TNFSF4: variants seen among roughly 807,000 people sequenced by gnomAD.
TNFSF4 encodes the protein tumor necrosis factor ligand superfamily member 4.
TNFSF4 carries 4 observed loss-of-function variants against 7.3 expected under a neutral mutation model. The ratio of observed to expected loss-of-function variants is 0.55; its 90% CI spans 0.27 to 1.25. The LOEUF (loss-of-function observed/expected upper bound fraction) is 1.25, where lower values mean the gene tolerates loss of function less well. Among genes scored for constraint, TNFSF4 ranks in the 50% most tolerant of loss-of-function variants. The probability of loss-of-function intolerance (pLI) is 0.12; values close to 1 mark genes in which losing one functional copy is unlikely to be tolerated. For synonymous variants in TNFSF4, 76 were observed against 83.7 expected, an observed-to-expected ratio of 0.91 and a Z score of 0.50; for missense variants, 181 against 208.8, an observed-to-expected ratio of 0.87 and a Z score of 0.82.
the TNFSF4 span, among the ~76,000 whole-genome samples, chr1:173,247,101 G>C: frequency 6.6e-6 from 1 of 152,042 alleles, no homozygotes; most frequent in African/African-American, 2.4e-5. Context: ...GTTTATATTG[G>C]CAATAAAGCA....
chr1:173,240,529 T>C, the TNFSF4 span, among the ~76,000 whole-genome samples: 2 of 152,210 alleles, frequency 1.3e-5, no homozygotes, highest in Admixed American at 6.5e-5. Context: ...AAACTTAAAT[T>C]ATTATTTTTA....
chr1:173,219,008 T>G, the TNFSF4 span, among the ~76,000 whole-genome samples: 1 of 152,212 alleles, frequency 6.6e-6, no homozygotes, highest in African/African-American at 2.4e-5. Context: ...CCAATTGTAT[T>G]ATATTCAAAT....
At chr1:173,212,172 ACTC>A (rs915368793), upstream of TNFSF4, among the ~76,000 whole-genome samples, 25 of 152,060 alleles carry the variant, frequency 1.6e-4, no homozygotes, top group Non-Finnish European at 3.7e-4. Context: ...TACAGTGAGA[ACTC>A]ACTCACCCCA....
At chr1:173,267,549 C>G in the TNFSF4 span, among the ~76,000 whole-genome samples, 1 of 152,056 alleles carries the variant, frequency 6.6e-6, no homozygotes, top group African/African-American at 2.4e-5. Context: ...TCATCTTACC[C>G]TGCATAATAA....
chr1:173,174,242 C>T, the TNFSF4 span: 1 of 152,206 alleles, frequency 6.6e-6, no homozygotes, highest in East Asian at 1.9e-4. Flanking sequence ...TTTTCCATAT[C>T]ACTATCCGCA....
At chr1:173,305,439 AC>A in the TNFSF4 span, among the ~76,000 whole-genome samples, 2 of 151,782 alleles carry the variant, frequency 1.3e-5, no homozygotes, top group Non-Finnish European at 2.9e-5. Flanking sequence ...CCCCAGATAA[AC>A]TTTTCCGTTC....
At chr1:173,222,938 A>T in the TNFSF4 span, among the ~76,000 whole-genome samples, 1 of 152,212 alleles carries the variant, frequency 6.6e-6, no homozygotes, top group South Asian at 2.1e-4. Flanking sequence ...CCCATCCTTG[A>T]CAAGGCTTTC....
At chr1:173,273,386 A>G in the TNFSF4 span, among the ~76,000 whole-genome samples, 9 of 152,236 alleles carry the variant, frequency 5.9e-5, no homozygotes, top group African/African-American at 1.2e-4. Flanking sequence ...TCTTGTTCAG[A>G]TATTTTATCA....
the TNFSF4 span, among the ~76,000 whole-genome samples, chr1:173,353,215 G>A: frequency 6.6e-6 from 1 of 152,184 alleles, no homozygotes; most frequent in Admixed American, 6.5e-5. Flanking sequence ...AGTAAAGACA[G>A]GCATAGGAAA....
At chr1:173,384,801 CAACT>C in the TNFSF4 span, among the ~76,000 whole-genome samples, 8 of 152,302 alleles carry the variant, frequency 5.3e-5, no homozygotes, top group Non-Finnish European at 4.4e-5. Context: ...AACAATCAAT[CAACT>C]GAGACCCATT....
chr1:173,394,216 T>TAA, the TNFSF4 span, among the ~76,000 whole-genome samples: 3,307 of 112,468 alleles, frequency 0.029, 139 homozygotes, highest in African/African-American at 0.098. Context: ...ACTCCATCTT[T>TAA]AAAAAAAAAA....
chr1:173,440,464 C>T, the TNFSF4 span: 1 of 152,208 alleles, frequency 6.6e-6, no homozygotes, highest in Admixed American at 6.5e-5. Flanking sequence ...AAAACCTACC[C>T]TCCTCCTGGG....
chr1:173,262,211 C>T, the TNFSF4 span, among the ~76,000 whole-genome samples: 1 of 152,170 alleles, frequency 6.6e-6, no homozygotes, highest in South Asian at 2.1e-4. Flanking sequence ...ATCACATAAA[C>T]AGAACCAATG....
At chr1:173,221,973 TTAA>T in the TNFSF4 span, among the ~76,000 whole-genome samples, 8 of 152,192 alleles carry the variant, frequency 5.3e-5, no homozygotes, top group Non-Finnish European at 7.3e-5. Context: ...TATGTAAGGG[TTAA>T]GTGAGGCAAA....
the TNFSF4 span, among the ~76,000 whole-genome samples, chr1:173,269,125 A>G: frequency 6.6e-6 from 1 of 152,158 alleles, no homozygotes; most frequent in Non-Finnish European, 1.5e-5. Context: ...ATGTATTTAT[A>G]ATTTATAATG....
chr1:173,291,473 C>T, the TNFSF4 span, among the ~76,000 whole-genome samples: 1 of 152,018 alleles, frequency 6.6e-6, no homozygotes, highest in Admixed American at 6.6e-5. Flanking sequence ...CACAACATAC[C>T]AGAATCATTG....
chr1:173,438,932 A>C, the TNFSF4 span, among the ~76,000 whole-genome samples: 1 of 152,248 alleles, frequency 6.6e-6, no homozygotes, highest in Non-Finnish European at 1.5e-5. Context: ...GGCTTCAGAG[A>C]GTAACATAAA....
the TNFSF4 span, among the ~76,000 whole-genome samples, chr1:173,409,792 G>A: frequency 6.6e-6 from 1 of 152,292 alleles, no homozygotes; most frequent in Middle Eastern, 3.4e-3. Context: ...GCAGGAGGAT[G>A]AAGGGGAAGT....
chr1:173,418,457 G>A, the TNFSF4 span: 3 of 152,180 alleles, frequency 2.0e-5, no homozygotes, highest in Admixed American at 6.5e-5. Flanking sequence ...TACCAGGGTC[G>A]GGTCCTGCTG....
Sources: allele counts gnomAD v4.1 joint callset (sites outside exome capture counted in the v4.1 genomes callset), GRCh38; gene constraint gnomAD v4.1.1; transcripts MANE v1.5; gene names NCBI Gene and HGNC (gene_info 2026-07-23, HGNC 2026-07-21).